The following TECRL variants were observed in gnomAD, a reference collection of about 807,000 sequenced individuals.
TECRL encodes trans-2,3-enoyl-CoA reductase-like.
TECRL carries 63 observed loss-of-function variants against 52.8 expected under a neutral mutation model. That is an observed-to-expected ratio of 1.19 (90% CI 0.97 to 1.47). The LOEUF (loss-of-function observed/expected upper bound fraction) is 1.47, where lower values mean the gene tolerates loss of function less well. Among genes scored for constraint, TECRL ranks in the 40% most tolerant of loss-of-function variants. The pLI, the probability that TECRL is intolerant of heterozygous loss-of-function variation, is 0.00. For synonymous variants in TECRL, 164 were observed against 141.9 expected (o/e 1.16, Z -1.10); for missense variants, 482 against 429.6 (o/e 1.12, Z -1.08).
intron 2 of TECRL, among the ~76,000 whole-genome samples, chr4:64,372,228 T>C (rs1220417593): frequency 1.3e-5 from 2 of 151,676 alleles, no homozygotes; most frequent in African/African-American, 2.4e-5. Context: ...AAGAAACAAA[T>C]AGATCAAGAT....
chr4:64,361,962 A>C (rs1251809587), intron 2 of TECRL, among the ~76,000 whole-genome samples: 2 of 152,144 alleles, frequency 1.3e-5, no homozygotes, highest in East Asian at 3.9e-4. Context: ...AAAAACTAAA[A>C]TGGTGCATGT....
intron 2 of TECRL, among the ~76,000 whole-genome samples, chr4:64,358,388 T>A (rs1247733139): frequency 6.6e-6 from 1 of 151,886 alleles, no homozygotes; most frequent in South Asian, 2.1e-4. Flanking sequence ...TTAGAATTTA[T>A]ATCTACAGGA....
chr4:64,292,263 G>A (rs1336121771), intron 8 of TECRL, among the ~76,000 whole-genome samples: 2 of 151,860 alleles, frequency 1.3e-5, no homozygotes, highest in African/African-American at 4.8e-5. Flanking sequence ...GTCTTCATTT[G>A]GCATACAGTA....
chr4:64,290,096 G>T (rs753203653), intron 8 of TECRL, among the ~76,000 whole-genome samples: 7 of 152,126 alleles, frequency 4.6e-5, no homozygotes, highest in Non-Finnish European at 1.0e-4. Context: ...GACAACTCTT[G>T]CTGAAGACAT....
intron 2 of TECRL, among the ~76,000 whole-genome samples, chr4:64,353,653 A>G (rs913248355): frequency 1.3e-5 from 2 of 152,182 alleles, no homozygotes; most frequent in African/African-American, 4.8e-5. Context: ...TCTGCAAGAT[A>G]CTAATATATA....
chr4:64,291,049 T>C (rs946669875), intron 8 of TECRL, among the ~76,000 whole-genome samples: 6 of 152,112 alleles, frequency 3.9e-5, no homozygotes, highest in African/African-American at 9.7e-5. Context: ...TGTGGATAAG[T>C]GTGTGGGCTT....
At chr4:64,387,056 T>C (rs989534449) in intron 1 of TECRL, among the ~76,000 whole-genome samples, 1 of 152,198 alleles carries the variant, frequency 6.6e-6, no homozygotes, top group Non-Finnish European at 1.5e-5. Context: ...GTGTTTTCAC[T>C]GCACTAAAAA....
Position 64,279,956 on chromosome 4 carries a change from C to T in TECRL, c.*116G>A. The stretch of plus-strand genomic sequence containing the variant: ...AATTTTACTATTTTATATTTTTACT[C>T]AGTGTATATACTGTTGCTCATGAAT... On this transcript the variant is annotated 3_prime_UTR_variant, in exon 12 of 12. Coordinates refer to ENST00000381210, the MANE Select transcript of TECRL (RefSeq NM_001010874.5). The T allele has an allele frequency of 7.8e-7, 1 of 1,274,250 alleles. No homozygotes were observed. The highest frequency in any genetic ancestry group is 1.0e-6 in the Non-Finnish European group (1 of 998,916). The allele number at this position is 1,274,250 out of a possible 1,614,324, so 78.9% of individuals were successfully genotyped here.
Position 64,303,679 on chromosome 4 carries a change from G to A in TECRL, c.730+1487C>T, listed in dbSNP as rs191575185. On this transcript the variant is annotated intron_variant, in intron 7 of 11. Transcript: ENST00000381210. Reference sequence around the variant, plus strand: ...CCATTTAGCATTTACCTAATAGGAAGCCTTAATAAAAGTTAATTTATGCTT... The same window carrying A: ...CCATTTAGCATTTACCTAATAGGAAACCTTAATAAAAGTTAATTTATGCTT... Among the ~76,000 whole-genome samples, 149 of 151,822 alleles carry A rather than the reference G, an allele frequency of 9.8e-4. 2 individuals carry two copies. Among genetic ancestry groups the A allele is most frequent in the African/African-American group, 3.1e-3 (127 of 41,526 alleles).
chr4:64,392,404 TA>T (rs1723608398), intron 1 of TECRL, among the ~76,000 whole-genome samples: 1 of 151,894 alleles, frequency 6.6e-6, no homozygotes, highest in Non-Finnish European at 1.5e-5. Flanking sequence ...ACACACAGCA[TA>T]TCCTCAAGAA....
intron 1 of TECRL, 150 bp from the exon 2 acceptor site, chr4:64,375,373 A>T (rs1722325821): frequency 2.3e-6 from 1 of 433,188 alleles, no homozygotes; most frequent in East Asian, 4.2e-5. Context: ...TATTTTGACA[A>T]GCTTGAAATG....
chr4:64,316,005 T>TTAG (rs1160459584), intron 4 of TECRL, among the ~76,000 whole-genome samples: 14 of 17,966 alleles, frequency 7.8e-4, no homozygotes, highest in Non-Finnish European at 1.6e-3. Context: ...ACCCCATTAT[T>TTAG]CTATAGAAAA....
chr4:64,357,646 T>C (rs1720863560), intron 2 of TECRL, among the ~76,000 whole-genome samples: 1 of 151,584 alleles, frequency 6.6e-6, no homozygotes. Flanking sequence ...TTATTCATTC[T>C]TTATGCCAAA....
At chr4:64,305,725 C>G (rs932165093) in intron 6 of TECRL, among the ~76,000 whole-genome samples, 2 of 152,148 alleles carry the variant, frequency 1.3e-5, no homozygotes, top group Non-Finnish European at 2.9e-5. Flanking sequence ...TTCACTTAGG[C>G]ACTCATGAGT....
chr4:64,396,690 G>A (rs1248583748), intron 1 of TECRL, among the ~76,000 whole-genome samples: 3 of 151,992 alleles, frequency 2.0e-5, no homozygotes, highest in African/African-American at 7.3e-5. Flanking sequence ...TTATTATGTT[G>A]TAATTGCTTT....
chr4:64,333,655 C>T (rs547420033), intron 2 of TECRL, among the ~76,000 whole-genome samples: 1 of 152,072 alleles, frequency 6.6e-6, no homozygotes, highest in South Asian at 2.1e-4. Flanking sequence ...AGGAAGAATG[C>T]ACAAAACAAA....
intron 2 of TECRL, among the ~76,000 whole-genome samples, chr4:64,355,754 T>C (rs28402296): frequency 0.66 from 95,170 of 144,836 alleles, 32,646 homozygotes; most frequent in Non-Finnish European, 0.76. Context: ...GAGACTGCAC[T>C]ACTGCACTCC....
chr4:64,330,690 C>G (rs1379196237), intron 2 of TECRL, among the ~76,000 whole-genome samples: 1 of 151,964 alleles, frequency 6.6e-6, no homozygotes, highest in East Asian at 1.9e-4. Context: ...AAAGAAATAA[C>G]AAAGGTGAAT....
chr4:64,379,135 A>G (rs1173613507), intron 1 of TECRL, among the ~76,000 whole-genome samples: 1 of 151,988 alleles, frequency 6.6e-6, no homozygotes, highest in Non-Finnish European at 1.5e-5. Flanking sequence ...TATCTGAATA[A>G]TGCTCTTTTA....
Sources: allele counts gnomAD v4.1 joint callset (sites outside exome capture counted in the v4.1 genomes callset), GRCh38; gene constraint gnomAD v4.1.1; transcripts MANE v1.5; gene names NCBI Gene and HGNC (gene_info 2026-07-23, HGNC 2026-07-21).